Variants in IFT74 observed in about 807,000 individuals in gnomAD.
The protein encoded by IFT74 is intraflagellar transport protein 74 homolog.
A neutral mutation model predicts 96.7 loss-of-function variants in IFT74; 92 were observed. That is an observed-to-expected ratio of 0.95 (90% CI 0.80 to 1.13). The LOEUF is 1.13. Among genes scored for constraint, IFT74 ranks in the 50% most tolerant of loss-of-function variants. The probability of loss-of-function intolerance (pLI) is 0.00; values close to 1 mark genes in which losing one functional copy is unlikely to be tolerated. For missense variants in IFT74, 811 were observed against 698.2 expected, an observed-to-expected ratio of 1.16 and a Z score of -1.82; for synonymous variants, 223 against 213.2, an observed-to-expected ratio of 1.05 and a Z score of -0.40.
intron 8 of IFT74, chr9:26,994,372 A>C (rs1587308211): frequency 6.6e-6 from 1 of 151,974 alleles, no homozygotes; most frequent in African/African-American, 2.4e-5. Context: ...CCCTGTCTCT[A>C]CTAAAAATAC....
intron 1 of IFT74, among the ~76,000 whole-genome samples, chr9:26,959,089 T>TTTGTTGTTGTTG (rs60936250): frequency 2.1e-3 from 310 of 150,634 alleles, no homozygotes; most frequent in Middle Eastern, 3.4e-3. Context: ...AGCTATTCTT[T>TTTGTTGTTGTTG]TTGTTGTTGT....
rs559486523 is a variant in IFT74 at position 27,036,569 on chromosome 9, C to T, written c.1054+7465C>T. 35 of 1,596,378 alleles carry T rather than the reference C, an allele frequency of 2.2e-5. No homozygotes were observed. In the East Asian group the frequency reaches 7.9e-4, roughly 36 times the overall value. On this transcript the variant is annotated intron_variant, in intron 13 of 19. Coordinates refer to ENST00000380062, the MANE Select transcript of IFT74 (RefSeq NM_025103.4). ...TCCATTTGAACTGAAGAATACCCTG[C>T]TATAGCCTCCCATTGTTTCACAGAT...
At chr9:26,975,337 C>T (rs1196436830) in intron 2 of IFT74, among the ~76,000 whole-genome samples, 1 of 152,056 alleles carries the variant, frequency 6.6e-6, no homozygotes, top group Non-Finnish European at 1.5e-5. Context: ...TAGTCTGTTT[C>T]CTTTTGGGAG....
At position 27,047,382 on chromosome 9, in the gene IFT74, T is replaced by C. The variant is rs1408939378; in HGVS notation, c.1206+11T>C. 1.3e-6 allele frequency: 2 copies of C among 1,533,404 alleles called. No individual in the cohort carries two copies. Among genetic ancestry groups the C allele is most frequent in the Non-Finnish European group, 9.0e-7 (1 of 1,115,314 alleles). 95.0% of individuals were successfully genotyped at this position (1,533,404 alleles called of 1,614,324 possible). A position where few individuals can be genotyped will look rare whatever the true frequency, so the allele number is the denominator to read the frequency against. On this transcript the variant is annotated intron_variant, in intron 15 of 19. Transcript: ENST00000380062. Reference sequence around the variant, plus strand: ...GAGCACTGCAGTCGAGTGAGTACCATGTGCCTGTCTTGGTGTCCTCTTTAT... The same window carrying C: ...GAGCACTGCAGTCGAGTGAGTACCACGTGCCTGTCTTGGTGTCCTCTTTAT...
chr9:26,976,904 G>C, intron 2 of IFT74: 1 of 401,704 alleles, frequency 2.5e-6, no homozygotes, highest in Non-Finnish European at 4.9e-6. Flanking sequence ...ATGAATGCTT[G>C]TTTAACAATG....
At chr9:26,998,777 A>T (rs151247927) in intron 8 of IFT74, among the ~76,000 whole-genome samples, 5,761 of 151,896 alleles carry the variant, frequency 0.038, 131 homozygotes, top group Middle Eastern at 0.065. Flanking sequence ...TGAGGTCAGG[A>T]GTTCAAGACC....
intron 9 of IFT74, among the ~76,000 whole-genome samples, chr9:27,010,841 G>A (rs1267164950): frequency 6.6e-6 from 1 of 152,112 alleles, no homozygotes; most frequent in African/African-American, 2.4e-5. Context: ...AGTCCCTGTT[G>A]AGGGCATATT....
intron 12 of IFT74, among the ~76,000 whole-genome samples, chr9:27,025,661 G>A (rs896280480): frequency 6.6e-6 from 1 of 152,040 alleles, no homozygotes; most frequent in Non-Finnish European, 1.5e-5. Context: ...AACCCTACAA[G>A]CTAGAAGGAA....
chr9:26,955,904 T>C (rs1267969700), upstream of IFT74: 1 of 150,492 alleles, frequency 6.6e-6, no homozygotes, highest in East Asian at 2.0e-4. Context: ...TGGATCCAAA[T>C]TCTAATGAAA....
intron 16 of IFT74, among the ~76,000 whole-genome samples, chr9:27,052,694 C>T (rs1159008393): frequency 6.6e-6 from 1 of 152,060 alleles, no homozygotes; most frequent in Non-Finnish European, 1.5e-5. Flanking sequence ...TCATTTACTA[C>T]ATTGTTTTCA....
chr9:26,990,480 A>G (rs892849974), intron 8 of IFT74, among the ~76,000 whole-genome samples: 2 of 152,098 alleles, frequency 1.3e-5, no homozygotes, highest in Non-Finnish European at 2.9e-5. Flanking sequence ...TATATCTACT[A>G]TTTTTGGTTT....
rs570338670 is a variant in IFT74, at chr9:27,010,181, G to C, written c.726+1023G>C. 4.5e-3 allele frequency among the ~76,000 whole-genome samples: 686 copies of C among 151,524 alleles called. 5 individuals carry two copies. The highest frequency in any genetic ancestry group is 0.016 in the African/African-American group (641 of 41,314). ...TTTTTGTATTTTTTTAGTAGGGACG[G>C]GGTTTCACCGTGTTAGTCAGGATGG... On this transcript the variant is annotated intron_variant, in intron 9 of 19. Coordinates refer to ENST00000380062, the MANE Select transcript of IFT74 (RefSeq NM_025103.4).
At chr9:27,010,074 G>A (rs573805185) in intron 9 of IFT74, among the ~76,000 whole-genome samples, 138 of 151,332 alleles carry the variant, frequency 9.1e-4, no homozygotes, top group Non-Finnish European at 1.6e-3. Flanking sequence ...TGCAAGCTAC[G>A]CCTCCCGGGT....
intron 8 of IFT74, among the ~76,000 whole-genome samples, chr9:27,006,061 C>G (rs1828760029): frequency 6.6e-6 from 1 of 152,030 alleles, no homozygotes; most frequent in Non-Finnish European, 1.5e-5. Flanking sequence ...CCAGGCTGGT[C>G]TCAAACTCCT....
intron 1 of IFT74, among the ~76,000 whole-genome samples, chr9:26,950,184 C>T (rs149338102): frequency 0.012 from 1,841 of 152,056 alleles, 41 homozygotes; most frequent in African/African-American, 0.042. Flanking sequence ...TGGTGGCACG[C>T]GCCTGTAGTC....
chr9:27,048,023 T>C, intron 15 of IFT74, 125 bp from the exon 16 acceptor site: 1 of 519,172 alleles, frequency 1.9e-6, no homozygotes. Context: ...ATAACTTGAA[T>C]GGTGTATTTC....
chr9:26,964,719 A>G (rs951798694), intron 2 of IFT74, among the ~76,000 whole-genome samples: 3 of 152,168 alleles, frequency 2.0e-5, no homozygotes, highest in Non-Finnish European at 2.9e-5. Context: ...TAGGGGTAAT[A>G]TTATAAAACT....
chr9:26,947,204 A>T lies in IFT74; in HGVS notation c.-20+58A>T, dbSNP rs1825763969. On this transcript the variant is annotated intron_variant, in intron 1 of 19. Transcript: ENST00000433700. ...GAGCCGGTACGGAAGGGCGGCTGGG[A>T]AGGGGCGCGCCGAGCGGGCCGAGTG... 4.8e-6 allele frequency: 4 copies of T among 831,200 alleles called. No homozygotes were observed. The South Asian group carries it at 8.0e-5, about 17-fold the overall frequency. The allele number at this position is 831,200 out of a possible 1,614,324, so 51.5% of individuals were successfully genotyped here.
chr9:27,060,490 G>T (rs1035111661), intron 18 of IFT74, 101 bp from the exon 19 acceptor site: 4 of 624,682 alleles, frequency 6.4e-6, no homozygotes, highest in African/African-American at 3.8e-5. Context: ...AAGTTGATAA[G>T]ATTTAAAGTT....
Sources: allele counts gnomAD v4.1 joint callset (sites outside exome capture counted in the v4.1 genomes callset), GRCh38; gene constraint gnomAD v4.1.1; transcripts MANE v1.5; gene names NCBI Gene and HGNC (gene_info 2026-07-23, HGNC 2026-07-21).